The following MYO1E variants were observed in gnomAD, a reference collection of about 807,000 sequenced individuals.
MYO1E encodes unconventional myosin-Ie.
In MYO1E, 68 loss-of-function variants were observed where a neutral mutation model predicts 151.1. The observed-to-expected ratio is 0.45, with a 90% confidence interval of 0.37 to 0.55. MYO1E has a LOEUF of 0.55. Ranked by LOEUF, MYO1E falls within the 20% of genes least tolerant of loss-of-function variation. The pLI is 0.00. For missense variants in MYO1E, 1,363 were observed against 1,389.3 expected, an observed-to-expected ratio of 0.98 and a Z score of 0.30; for synonymous variants, 601 against 501.7, an observed-to-expected ratio of 1.20 and a Z score of -2.64.
intron 1 of MYO1E, among the ~76,000 whole-genome samples, chr15:59,284,341 G>A (rs1355123131): frequency 6.6e-6 from 1 of 152,224 alleles, no homozygotes; most frequent in Admixed American, 6.5e-5. Context: ...CAACTCAGGA[G>A]ATCAAAGGGA....
At chr15:59,320,834 G>A (rs1386900528) in intron 1 of MYO1E, among the ~76,000 whole-genome samples, 5 of 152,078 alleles carry the variant, frequency 3.3e-5, no homozygotes, top group African/African-American at 1.2e-4. Context: ...ATTGACAGGT[G>A]GAACCTGATT....
chr15:59,226,877 G>A lies in MYO1E; in HGVS notation c.642+582C>T, dbSNP rs988951685. Among the ~76,000 whole-genome samples the A allele has an allele frequency of 7.2e-5, 11 of 152,262 alleles. No homozygotes were observed. In the Middle Eastern group the frequency reaches 0.01, roughly 141 times the overall value. ...CTGAAGCCTGTAACATAATCAAAAAGCACCCTGCAAGCTGCTCTGGCCCCA... is the reference window on the plus strand; with the variant it reads ...CTGAAGCCTGTAACATAATCAAAAAACACCCTGCAAGCTGCTCTGGCCCCA... On this transcript the variant is annotated intron_variant, in intron 7 of 27. Transcript: ENST00000288235.
intron 1 of MYO1E, among the ~76,000 whole-genome samples, chr15:59,297,417 C>T (rs1324218846): frequency 6.8e-6 from 1 of 146,578 alleles, no homozygotes; most frequent in African/African-American, 2.5e-5. Context: ...ATTTCAGGTA[C>T]GCACCACCAC....
At chr15:59,203,799 G>A (rs2079816763) in intron 15 of MYO1E, among the ~76,000 whole-genome samples, 1 of 152,202 alleles carries the variant, frequency 6.6e-6, no homozygotes, top group Non-Finnish European at 1.5e-5. Context: ...ATAGCATGGT[G>A]CACAGTTGGT....
At chr15:59,183,515 G>C (rs906398672) in intron 18 of MYO1E, among the ~76,000 whole-genome samples, 5 of 151,842 alleles carry the variant, frequency 3.3e-5, no homozygotes, top group African/African-American at 1.2e-4. Context: ...AGTTTTTTTT[G>C]GGGGGTGGAT....
chr15:59,341,851 T>G (rs988606324), intron 1 of MYO1E, among the ~76,000 whole-genome samples: 1 of 152,242 alleles, frequency 6.6e-6, no homozygotes, highest in Non-Finnish European at 1.5e-5. Context: ...CTCTTCCATA[T>G]GCTTATATCC....
chr15:59,179,748 G>C (rs2079647154), intron 18 of MYO1E, among the ~76,000 whole-genome samples: 1 of 152,232 alleles, frequency 6.6e-6, no homozygotes, highest in Non-Finnish European at 1.5e-5. Flanking sequence ...TTCTTTTAAA[G>C]ATTATCCAGT....
rs1350787708 is a variant in MYO1E at position 59,174,216 on chromosome 15, C to G, written c.2074G>C (p.Glu692Gln). The G allele has an allele frequency of 1.2e-6, 2 of 1,613,628 alleles. No individual in the cohort carries two copies. Among genetic ancestry groups the G allele is most frequent in the Non-Finnish European group, 1.7e-6 (2 of 1,179,682 alleles). ...CGAGCATACCCATCATACTTTCTCT[C>G]TCTCATCTCTTCTAAAAGAAATAGC... is the stretch of plus-strand genomic sequence containing the variant. ...ESLFLLEEMR[E>Q]RKYDGYARVI... is the part of the protein sequence containing the mutation. Residue 692 changes from glutamate (E) to glutamine (Q), a missense_variant, in exon 20 of 28, where the codon GAG becomes CAG. Coordinates refer to ENST00000288235, the MANE Select transcript of MYO1E (RefSeq NM_004998.4).
rs1325766413 is a variant in MYO1E, at chr15:59,132,892, A to G, written c.*4488T>C. On this transcript the variant is annotated 3_prime_UTR_variant, in exon 28 of 28. Transcript: ENST00000288235. ...TGGAAAGAGATGAATCAGAGGATTC[A>G]GATTTGTTAGATGGAGCTCCTGCCC... is the stretch of plus-strand genomic sequence containing the variant. 6.6e-6 allele frequency: 1 copy of G among 152,348 alleles called. No homozygotes were observed. Among genetic ancestry groups the G allele is most frequent in the Non-Finnish European group, 1.5e-5 (1 of 68,030 alleles). The allele number at this position is 152,348 out of a possible 1,614,324, so 9.4% of individuals were successfully genotyped here.
chr15:59,191,207 G>C (rs2079730788), intron 17 of MYO1E, among the ~76,000 whole-genome samples: 1 of 152,024 alleles, frequency 6.6e-6, no homozygotes, highest in African/African-American at 2.4e-5. Flanking sequence ...TGTAATCCCA[G>C]CACTTTGGGA....
At chr15:59,318,964 T>G (rs1288905027) in intron 1 of MYO1E, among the ~76,000 whole-genome samples, 1 of 152,066 alleles carries the variant, frequency 6.6e-6, no homozygotes, top group Non-Finnish European at 1.5e-5. Flanking sequence ...CTTGCATGAC[T>G]GGCTCATGCT....
intron 18 of MYO1E, 79 bp downstream of exon 18, chr15:59,188,039 G>C (rs2079709410): frequency 8.4e-6 from 9 of 1,072,106 alleles, no homozygotes; most frequent in Non-Finnish European, 1.3e-5. Context: ...TCGTACGCTT[G>C]AAGTGGGTGA....
At chr15:59,174,090 T>A in intron 20 of MYO1E, 36 bp downstream of exon 20, 1 of 1,572,114 alleles carries the variant, frequency 6.4e-7, no homozygotes, top group Non-Finnish European at 8.8e-7. Context: ...ACTCTTCAGA[T>A]TTATTAAAAT....
intron 4 of MYO1E, among the ~76,000 whole-genome samples, chr15:59,254,860 C>G (rs938750036): frequency 2.6e-5 from 4 of 151,924 alleles, no homozygotes; most frequent in Admixed American, 1.3e-4. Context: ...GAGTCTCAGT[C>G]TGTCGCCCAG....
intron 1 of MYO1E, among the ~76,000 whole-genome samples, chr15:59,356,887 T>TG (rs796558905): frequency 0.016 from 2,387 of 149,786 alleles, 61 homozygotes; most frequent in African/African-American, 0.055. Flanking sequence ...AAGTTTTTTT[T>TG]TTTGTTTGTT....
intron 19 of MYO1E, among the ~76,000 whole-genome samples, chr15:59,175,528 G>C (rs1293120786): frequency 6.6e-6 from 1 of 152,108 alleles, no homozygotes; most frequent in Non-Finnish European, 1.5e-5. Context: ...AACACCAGGG[G>C]AGGGACCACG....
intron 25 of MYO1E, among the ~76,000 whole-genome samples, chr15:59,154,793 C>T (rs138478178): frequency 1.2e-3 from 185 of 152,246 alleles, no homozygotes; most frequent in African/African-American, 4.2e-3. Context: ...CTTCCAGCTC[C>T]GACAAGCATT....
intron 5 of MYO1E, among the ~76,000 whole-genome samples, chr15:59,232,783 A>T (rs2080036090): frequency 6.6e-6 from 1 of 152,224 alleles, no homozygotes; most frequent in Admixed American, 6.5e-5. Flanking sequence ...ACTAGGTCGT[A>T]GGGGTGTAGC....
intron 1 of MYO1E, among the ~76,000 whole-genome samples, chr15:59,319,607 A>G (rs7163987): frequency 1 from 139,030 of 139,030 alleles, 69,515 homozygotes; most frequent in Non-Finnish European, 1. Flanking sequence ...TCTGCACCTA[A>G]AAAACCCCAG....
Sources: gnomAD v4.1 joint callset for allele counts (sites outside exome capture counted in the v4.1 genomes callset) on GRCh38, gnomAD v4.1.1 for gene constraint, MANE v1.5 for transcripts, NCBI Gene and HGNC (gene_info 2026-07-23, HGNC 2026-07-21) for gene names.